Variants in IQSEC1 observed in about 807,000 individuals in gnomAD.
IQSEC1 encodes the protein IQ motif and SEC7 domain-containing protein 1.
Under a neutral mutation model 91.0 loss-of-function variants are expected in IQSEC1, and 31 were observed. The observed-to-expected ratio is 0.34, with a 90% CI of 0.26 to 0.46. The LOEUF (loss-of-function observed/expected upper bound fraction) is 0.46. Among genes scored for constraint, IQSEC1 ranks in the 20% least tolerant of loss-of-function variants. The pLI, the probability that IQSEC1 is intolerant of heterozygous loss-of-function variation, is 1.00. For missense variants in IQSEC1, 1,388 were observed against 1,575.6 expected (o/e 0.88, Z 2.02); for synonymous variants, 699 against 662.6 (o/e 1.05, Z -0.84).
intron 1 of IQSEC1, among the ~76,000 whole-genome samples, chr3:13,015,965 G>C (rs1345557463): frequency 1.3e-5 from 2 of 152,212 alleles, no homozygotes; most frequent in Non-Finnish European, 2.9e-5. Context: ...GCCCCTTCTG[G>C]GTCTCTGGCC....
intron 1 of IQSEC1, among the ~76,000 whole-genome samples, chr3:13,280,168 TG>T (rs1430887862): frequency 3.3e-5 from 5 of 152,246 alleles, no homozygotes; most frequent in Non-Finnish European, 7.3e-5. Flanking sequence ...GGTCACCGGC[TG>T]GGAAGTGCAG....
chr3:12,951,776 G>A (rs1020579394), intron 1 of IQSEC1, among the ~76,000 whole-genome samples: 4 of 152,178 alleles, frequency 2.6e-5, no homozygotes, highest in African/African-American at 9.7e-5. Context: ...GAACATGACC[G>A]GGTGGTGAGG....
At chr3:13,136,455 GCA>G (rs1706712062) in intron 2 of IQSEC1, among the ~76,000 whole-genome samples, 1 of 152,180 alleles carries the variant, frequency 6.6e-6, no homozygotes, top group Non-Finnish European at 1.5e-5. Flanking sequence ...AGTGAAATGA[GCA>G]TTCCTATTTA....
rs1331088355 is a variant in IQSEC1, at chr3:12,935,629, A to T, written c.1387T>A (p.Ser463Thr). 6.2e-7 allele frequency: 1 copy of T among 1,613,954 alleles called. No individual in the cohort carries two copies. Among genetic ancestry groups the T allele is most frequent in the Non-Finnish European group, 8.5e-7 (1 of 1,180,028 alleles). ...DGDNDSINST[S>T]NSNDTINCSS... ...CAGTTGATGGTATCGTTGGAGTTGG[A>T]CGTGCTGTTGATGCTGTCATTGTCA... is the stretch of plus-strand genomic sequence containing the variant. The change falls in exon 3 of 14, where the codon TCC becomes ACC. Residue 463 changes from serine to threonine, a missense_variant. Physicochemically the swap from Ser to Thr is moderately conservative, Grantham distance 58. Transcript: ENST00000613206. The surrounding 1 kb of genome is among the most constrained non-coding windows in gnomAD (Gnocchi z 8.0).
rs1696752031 is a variant in IQSEC1, at chr3:12,922,771, C to T, written c.1731-529G>A. On this transcript the variant is annotated intron_variant, in intron 4 of 13. Coordinates refer to ENST00000613206, the MANE Select transcript of IQSEC1 (RefSeq NM_001134382.3). This position sits in a 1 kb window ranked among gnomAD's most constrained non-coding sequence, Gnocchi z 5.1. ...GGGACTTGAAAGGGCCATGCACCCTCATCTGTGGGGCAGGGCCTGGAGGGG... is the reference window on the plus strand; with the variant it reads ...GGGACTTGAAAGGGCCATGCACCCTTATCTGTGGGGCAGGGCCTGGAGGGG... 6.6e-6 allele frequency among the ~76,000 whole-genome samples: 1 copy of T among 152,110 alleles called. No individual in the cohort carries two copies. Among genetic ancestry groups the T allele is most frequent in the Admixed American group, 6.5e-5 (1 of 15,272 alleles).
At position 12,967,290 on chromosome 3, in the gene IQSEC1, GACGGT is replaced by G; in HGVS notation, c.24-25430_24-25426del. 9.1e-7 allele frequency: 1 copy of G among 1,093,398 alleles called. No individual in the cohort carries two copies. Among genetic ancestry groups the G allele is most frequent in the African/African-American group, 1.6e-5 (1 of 60,646 alleles). The allele number at this position is 1,093,398 out of a possible 1,614,324, so 67.7% of individuals were successfully genotyped here. A position where few individuals can be genotyped will look rare whatever the true frequency, so the allele number is the denominator to read the frequency against. On this transcript the variant is annotated intron_variant, in intron 1 of 13. Coordinates refer to ENST00000613206, the MANE Select transcript of IQSEC1 (RefSeq NM_001134382.3). This position sits in a 1 kb window ranked among gnomAD's most constrained non-coding sequence, Gnocchi z 5.9. ...TCTCGCACGCCGGGCGCCCGGTCCC[GACGGT>G]CACCCGCACTCCCGCACAGGCATCC...
intron 1 of IQSEC1, among the ~76,000 whole-genome samples, chr3:13,215,670 G>A (rs3864038): frequency 0.22 from 34,090 of 152,152 alleles, 4,278 homozygotes; most frequent in Non-Finnish European, 0.28. Flanking sequence ...GTGTTGATGG[G>A]GCCCAGAGAA....
At chr3:13,042,798 G>A (rs1193457589) in intron 1 of IQSEC1, among the ~76,000 whole-genome samples, 3 of 152,318 alleles carry the variant, frequency 2.0e-5, no homozygotes, top group South Asian at 2.1e-4. Flanking sequence ...TGGTGGGGCC[G>A]GCACTGGCTG....
intron 1 of IQSEC1, among the ~76,000 whole-genome samples, chr3:13,047,080 CA>C (rs1704522953): frequency 6.9e-6 from 1 of 145,936 alleles, no homozygotes; most frequent in Admixed American, 6.8e-5. Context: ...CAATAGAAAC[CA>C]ACAGGCTTCT....
chr3:13,074,228 C>G (rs1298667122), upstream of IQSEC1, among the ~76,000 whole-genome samples: 1 of 152,168 alleles, frequency 6.6e-6, no homozygotes, highest in African/African-American at 2.4e-5. Flanking sequence ...GGAAGGCCCT[C>G]TGTGAGGCAC....
intron 9 of IQSEC1, among the ~76,000 whole-genome samples, 163 bp from the exon 10 acceptor site, chr3:12,911,891 T>C (rs1055944012): frequency 6.6e-6 from 1 of 152,090 alleles, no homozygotes; most frequent in African/African-American, 2.4e-5. Flanking sequence ...CGGACAACGG[T>C]TCCTGTCCCC....
At chr3:12,999,011 A>G (rs1344691286) in intron 1 of IQSEC1, among the ~76,000 whole-genome samples, 1 of 152,136 alleles carries the variant, frequency 6.6e-6, no homozygotes, top group Non-Finnish European at 1.5e-5. Flanking sequence ...GAAATGTTTC[A>G]TTTAAGTATT....
chr3:13,208,794 C>T (rs983967409), intron 1 of IQSEC1, among the ~76,000 whole-genome samples: 3 of 152,212 alleles, frequency 2.0e-5, no homozygotes, highest in African/African-American at 7.2e-5. Flanking sequence ...CCAGGCTGCC[C>T]GCACTCACTC....
chr3:12,919,403 A>G (rs774350639), intron 6 of IQSEC1, among the ~76,000 whole-genome samples: 1 of 152,192 alleles, frequency 6.6e-6, no homozygotes, highest in Non-Finnish European at 1.5e-5. Context: ...AGCCTAGCTC[A>G]GGTGCCATCT....
At chr3:13,251,099 C>G (rs1409975371) in intron 1 of IQSEC1, among the ~76,000 whole-genome samples, 3 of 152,222 alleles carry the variant, frequency 2.0e-5, no homozygotes, top group Non-Finnish European at 4.4e-5. Context: ...TTGCCATTCC[C>G]CCAACAAGCC....
At chr3:13,209,468 G>A (rs1167096068) in intron 1 of IQSEC1, among the ~76,000 whole-genome samples, 1 of 152,214 alleles carries the variant, frequency 6.6e-6, no homozygotes, top group Non-Finnish European at 1.5e-5. Flanking sequence ...ATGCATGCCA[G>A]CTTCCTCGCG....
Position 13,181,412 on chromosome 3 carries a change from T to C in IQSEC1, c.273-17279A>G, listed in dbSNP as rs181615059. Reference sequence around the variant, plus strand: ...AATAGAGAGAAAATCAGCAAAAATATAAAATACCTAAACAACACTGCCAAC... The same window carrying C: ...AATAGAGAGAAAATCAGCAAAAATACAAAATACCTAAACAACACTGCCAAC... On this transcript the variant is annotated intron_variant, in intron 1 of 15. Transcript: ENST00000648114. 1.6e-4 allele frequency among the ~76,000 whole-genome samples: 25 copies of C among 152,240 alleles called. No homozygotes were observed. In the East Asian group the frequency reaches 4.8e-3, roughly 29 times the overall value.
intron 1 of IQSEC1, among the ~76,000 whole-genome samples, chr3:12,975,953 C>A (rs764316005): frequency 6.6e-6 from 1 of 152,254 alleles, no homozygotes; most frequent in Admixed American, 6.5e-5. Context: ...TGCCCCCCAA[C>A]GGCTGCAGAG....
intron 3 of IQSEC1, among the ~76,000 whole-genome samples, chr3:12,933,532 A>G (rs750263978): frequency 2.8e-4 from 42 of 152,222 alleles, no homozygotes; most frequent in Non-Finnish European, 5.7e-4. Context: ...TGCTTTCAGC[A>G]CTTCACACAG....
Sources: allele counts gnomAD v4.1 joint callset (sites outside exome capture counted in the v4.1 genomes callset), GRCh38; gene constraint gnomAD v4.1.1; non-coding constraint Gnocchi (gnomAD v3.1); transcripts MANE v1.5; gene names NCBI Gene and HGNC (gene_info 2026-07-23, HGNC 2026-07-21).